SORCS3: variants seen among roughly 807,000 people sequenced by gnomAD.
SORCS3 encodes the protein VPS10 domain-containing receptor SorCS3.
In SORCS3, 57 loss-of-function variants were observed where a neutral mutation model predicts 146.3. The ratio of observed to expected loss-of-function variants is 0.39; its 90% CI spans 0.31 to 0.49. The LOEUF (loss-of-function observed/expected upper bound fraction) is 0.49. SORCS3 is among the 20% of genes least tolerant of loss of function. The probability of loss-of-function intolerance (pLI) is 0.92; values close to 1 mark genes in which losing one functional copy is unlikely to be tolerated. For missense variants in SORCS3, 1,341 were observed against 1,575.5 expected (o/e 0.85, Z 2.52); for synonymous variants, 653 against 618.5 (o/e 1.06, Z -0.83).
intron 1 of SORCS3, among the ~76,000 whole-genome samples, chr10:104,772,711 C>A (rs555122478): frequency 6.6e-6 from 1 of 152,194 alleles, no homozygotes; most frequent in African/African-American, 2.4e-5. Flanking sequence ...CCAGGAAAGA[C>A]CTCTTTCCTC....
At chr10:105,105,721 A>G (rs1048350658) in intron 7 of SORCS3, among the ~76,000 whole-genome samples, 1 of 152,134 alleles carries the variant, frequency 6.6e-6, no homozygotes, top group Non-Finnish European at 1.5e-5. Context: ...TTGGATTGCC[A>G]TTTTATAGCA....
In SORCS3 at chr10:105,178,048, TAC is replaced by T; in HGVS notation, c.1902-17_1902-16del. On this transcript the variant is annotated splice_polypyrimidine_tract_variant and intron_variant, in intron 13 of 26. Coordinates refer to ENST00000369701, the MANE Select transcript of SORCS3 (RefSeq NM_014978.3). The stretch of plus-strand genomic sequence containing the variant: ...TTTATTTTCAGCTGTCTTTTTTGTG[TAC>T]TTGTTTCCAACACAGGGTGAGTTTT... The T allele has an allele frequency of 6.3e-7, 1 of 1,581,912 alleles. No individual in the cohort carries two copies. Among genetic ancestry groups the T allele is most frequent in the Non-Finnish European group, 8.7e-7 (1 of 1,151,634 alleles).
chr10:104,958,846 G>T (rs2054772595), intron 3 of SORCS3, among the ~76,000 whole-genome samples: 1 of 152,008 alleles, frequency 6.6e-6, no homozygotes, highest in Non-Finnish European at 1.5e-5. Flanking sequence ...CATCTTACAT[G>T]GTGGCAGAAG....
intron 2 of SORCS3, among the ~76,000 whole-genome samples, chr10:104,901,354 A>G (rs1255909742): frequency 1.3e-5 from 2 of 152,228 alleles, no homozygotes; most frequent in Non-Finnish European, 2.9e-5. Context: ...GGAACCAGGC[A>G]TTGAAACCAT....
intron 16 of SORCS3, among the ~76,000 whole-genome samples, chr10:105,206,134 G>GTGGACAAGTCAGAGGA (rs1394949715): frequency 6.6e-6 from 1 of 152,162 alleles, no homozygotes; most frequent in Non-Finnish European, 1.5e-5. Context: ...TGTTTCCGCA[G>GTGGACAAGTCAGAGGA]TGGACAAGTC....
At chr10:105,217,182 C>A in intron 19 of SORCS3, 60 bp downstream of exon 19, 1 of 1,559,512 alleles carries the variant, frequency 6.4e-7, no homozygotes. Context: ...TTGCTCTGTT[C>A]AGACTTCCTA....
chr10:105,137,291 G>A (rs1043636008), intron 7 of SORCS3, among the ~76,000 whole-genome samples: 1 of 152,020 alleles, frequency 6.6e-6, no homozygotes, highest in Non-Finnish European at 1.5e-5. Context: ...ATAGAGAGGT[G>A]GTTATTAAGC....
intron 25 of SORCS3, among the ~76,000 whole-genome samples, chr10:105,260,392 A>G (rs182177264): frequency 2.0e-5 from 3 of 152,352 alleles, no homozygotes; most frequent in Admixed American, 2.0e-4. Context: ...TTTCATTTAT[A>G]TAAAAAGGAA....
intron 18 of SORCS3, among the ~76,000 whole-genome samples, chr10:105,215,653 C>T (rs978693299): frequency 7.2e-5 from 11 of 152,120 alleles, no homozygotes; most frequent in South Asian, 2.1e-4. Context: ...CGATCTTATC[C>T]GTTTGAATTG....
chr10:105,119,792 AC>A (rs2055918953), intron 7 of SORCS3, among the ~76,000 whole-genome samples: 1 of 151,968 alleles, frequency 6.6e-6, no homozygotes, highest in Non-Finnish European at 1.5e-5. Flanking sequence ...CAATGCCTAT[AC>A]CCCCATTGTA....
intron 1 of SORCS3, among the ~76,000 whole-genome samples, chr10:104,678,110 G>C (rs983947866): frequency 6.6e-6 from 1 of 151,338 alleles, no homozygotes; most frequent in South Asian, 2.1e-4. Flanking sequence ...TGAGGTTGCC[G>C]AAGTTAAATT....
At chr10:104,842,333 T>C (rs965707510) in intron 1 of SORCS3, among the ~76,000 whole-genome samples, 2 of 152,232 alleles carry the variant, frequency 1.3e-5, no homozygotes, top group African/African-American at 2.4e-5. Flanking sequence ...AAAATCTCTT[T>C]GAACCCCTTT....
At chr10:104,942,031 G>A (rs529139008) in intron 3 of SORCS3, among the ~76,000 whole-genome samples, 93 of 152,274 alleles carry the variant, frequency 6.1e-4, no homozygotes, top group African/African-American at 2.2e-3. Context: ...CTGCTATAAG[G>A]ACAGGGATTA....
intron 2 of SORCS3, among the ~76,000 whole-genome samples, chr10:104,846,299 T>C (rs1367168357): frequency 6.6e-6 from 1 of 152,208 alleles, no homozygotes; most frequent in Non-Finnish European, 1.5e-5. Flanking sequence ...TCTCCCGTTC[T>C]CTTTTCCTGT....
intron 1 of SORCS3, among the ~76,000 whole-genome samples, chr10:104,760,783 G>C (rs1047725173): frequency 3.9e-5 from 6 of 152,156 alleles, no homozygotes; most frequent in African/African-American, 1.2e-4. Flanking sequence ...ATCAGTATGA[G>C]TCTCTTGATT....
chr10:104,995,818 T>A (rs2055023561), intron 4 of SORCS3, among the ~76,000 whole-genome samples: 1 of 152,138 alleles, frequency 6.6e-6, no homozygotes, highest in Non-Finnish European at 1.5e-5. Context: ...ATCCAAGAAA[T>A]ATTTGCCTAA....
At chr10:105,173,708 G>T (rs1427942419) in intron 13 of SORCS3, among the ~76,000 whole-genome samples, 4 of 152,084 alleles carry the variant, frequency 2.6e-5, no homozygotes, top group Non-Finnish European at 5.9e-5. Flanking sequence ...TTCATGATTT[G>T]ACTTCTGCCT....
At chr10:105,178,575 G>GAA (rs1351762582) in intron 14 of SORCS3, among the ~76,000 whole-genome samples, 9 of 151,890 alleles carry the variant, frequency 5.9e-5, no homozygotes, top group African/African-American at 2.2e-4. Context: ...AATATTGTAA[G>GAA]AGATGTCTCT....
intron 3 of SORCS3, among the ~76,000 whole-genome samples, chr10:104,947,922 T>C (rs1043151733): frequency 6.6e-6 from 1 of 152,122 alleles, no homozygotes; most frequent in East Asian, 1.9e-4. Context: ...GCCTAGATGT[T>C]ACAGTTTTTA....
Sources: allele counts gnomAD v4.1 joint callset (sites outside exome capture counted in the v4.1 genomes callset), GRCh38; gene constraint gnomAD v4.1.1; transcripts MANE v1.5; gene names NCBI Gene and HGNC (gene_info 2026-07-23, HGNC 2026-07-21).